Variants in DNAH9 observed in about 807,000 individuals in gnomAD.
DNAH9 encodes the protein DNAH9 variant protein.
A neutral mutation model predicts 471.6 loss-of-function variants in DNAH9; 345 were observed. That is an observed-to-expected ratio of 0.73 (90% CI 0.67 to 0.80). The LOEUF is 0.80. DNAH9 is among the 30% of genes least tolerant of loss of function. DNAH9 has a pLI of 0.00. For missense variants in DNAH9, 5,407 were observed against 5,609.2 expected, an observed-to-expected ratio of 0.96 and a Z score of 1.15; for synonymous variants, 2,093 against 2,123.6, an observed-to-expected ratio of 0.99 and a Z score of 0.40.
chr17:11,635,832 C>T (rs1321172559), intron 8 of DNAH9, among the ~76,000 whole-genome samples: 1 of 152,126 alleles, frequency 6.6e-6, no homozygotes, highest in African/African-American at 2.4e-5. Flanking sequence ...GAAAGGTCAG[C>T]ATCACTGCCA....
chr17:11,758,310 A>C (rs1291954825), intron 35 of DNAH9, among the ~76,000 whole-genome samples: 1 of 152,194 alleles, frequency 6.6e-6, no homozygotes, highest in Non-Finnish European at 1.5e-5. Context: ...TACAGCAAGA[A>C]TACTATCTGT....
intron 6 of DNAH9, among the ~76,000 whole-genome samples, chr17:11,621,473 A>T (rs2072861836): frequency 6.6e-6 from 1 of 151,464 alleles, no homozygotes; most frequent in African/African-American, 2.4e-5. Context: ...TCATATTCCC[A>T]GCTGTCATGA....
intron 41 of DNAH9, among the ~76,000 whole-genome samples, chr17:11,790,291 G>C (rs1969017949): frequency 1.3e-5 from 2 of 151,554 alleles, no homozygotes; most frequent in Admixed American, 1.3e-4. Context: ...TGTGATGGTG[G>C]GTACGTTTAT....
intron 14 of DNAH9, among the ~76,000 whole-genome samples, chr17:11,664,259 G>C (rs1028811734): frequency 2.0e-5 from 3 of 151,884 alleles, no homozygotes; most frequent in Non-Finnish European, 4.4e-5. Flanking sequence ...AGAGAAGGCG[G>C]GGAGGAAGGA....
rs1482622563 is a variant in DNAH9 at position 11,617,394 on chromosome 17, TC to T, written c.905-16del. 2 of 1,599,222 alleles carry T rather than the reference TC, an allele frequency of 1.3e-6. No homozygotes were observed. Among genetic ancestry groups the T allele is most frequent in the Non-Finnish European group, 8.6e-7 (1 of 1,167,360 alleles). On this transcript the variant is annotated splice_polypyrimidine_tract_variant and intron_variant, in intron 4 of 68. Coordinates refer to ENST00000262442, the MANE Select transcript of DNAH9 (RefSeq NM_001372.4). ...AGGCTCCAGATGGGAATGCTGACCA[TC>T]TCCAATTCCTTCCAGCTCTAGCAGA...
At position 11,796,322 on chromosome 17, in the gene DNAH9, G is replaced by A. The variant is rs781741538; in HGVS notation, c.8224-1275G>A. Among the ~76,000 whole-genome samples, 45 of 152,196 alleles carry A rather than the reference G, an allele frequency of 3.0e-4. 1 individual carries two copies. Among genetic ancestry groups the A allele is most frequent in the East Asian group, 2.1e-3 (11 of 5,190 alleles). On this transcript the variant is annotated intron_variant, in intron 42 of 68. Coordinates refer to ENST00000262442, the MANE Select transcript of DNAH9 (RefSeq NM_001372.4). ...AGCAAGAATAGTCCTCCTGCACTGC[G>A]CTTACATCTTATCCAAATGTCTGAG... is the stretch of plus-strand genomic sequence containing the variant.
At chr17:11,915,273 C>T (rs956621361) in intron 61 of DNAH9, among the ~76,000 whole-genome samples, 2 of 152,128 alleles carry the variant, frequency 1.3e-5, no homozygotes, top group African/African-American at 4.8e-5. Flanking sequence ...CGCCTGTAAT[C>T]CCAGCATTTT....
intron 8 of DNAH9, among the ~76,000 whole-genome samples, chr17:11,635,424 G>A (rs2073144622): frequency 6.8e-6 from 1 of 147,242 alleles, no homozygotes; most frequent in Non-Finnish European, 1.5e-5. Context: ...CAAGTGATGT[G>A]CCTGCCTCGT....
At position 11,626,707 on chromosome 17, in the gene DNAH9, T is replaced by C. The variant is rs2072976542; in HGVS notation, c.1351-2710T>C. ...GCCTTCACTGTAGCACCAGGGAAGG[T>C]TCCCCCTTGCACTTGACCAGGGTCC... On this transcript the variant is annotated intron_variant, in intron 6 of 68. Transcript: ENST00000262442. This position sits in a 1 kb window ranked among gnomAD's most constrained non-coding sequence, Gnocchi z 4.3. Among the ~76,000 whole-genome samples the C allele has an allele frequency of 6.6e-6, 1 of 152,176 alleles. No homozygotes were observed. Among genetic ancestry groups the C allele is most frequent in the Non-Finnish European group, 1.5e-5 (1 of 68,026 alleles).
chr17:11,701,638 G>A (rs1316779511), intron 24 of DNAH9, among the ~76,000 whole-genome samples: 1 of 152,112 alleles, frequency 6.6e-6, no homozygotes, highest in African/African-American at 2.4e-5. Flanking sequence ...CTGAACTGCT[G>A]ACACATATGA....
chr17:11,714,439 G>T (rs1309213181), intron 26 of DNAH9, among the ~76,000 whole-genome samples: 1 of 152,116 alleles, frequency 6.6e-6, no homozygotes, highest in Non-Finnish European at 1.5e-5. Context: ...AGCTGAGTAT[G>T]CCTCGGGGCC....
At chr17:11,920,507 G>A (rs183749907) in intron 61 of DNAH9, among the ~76,000 whole-genome samples, 91 of 151,628 alleles carry the variant, frequency 6.0e-4, no homozygotes, top group Non-Finnish European at 1.0e-3. Context: ...TGTAGTCTCA[G>A]CTACTCGGGA....
chr17:11,762,791 T>G (rs1293184706), intron 35 of DNAH9, among the ~76,000 whole-genome samples: 1 of 140,600 alleles, frequency 7.1e-6, no homozygotes, highest in Non-Finnish European at 1.5e-5. Flanking sequence ...TTTTTTTTTT[T>G]TTTTTTGAGA....
intron 38 of DNAH9, among the ~76,000 whole-genome samples, chr17:11,775,685 A>G (rs1968398089): frequency 1.4e-5 from 2 of 144,866 alleles, no homozygotes. Flanking sequence ...GCTCACTGCA[A>G]GCTCCGCCTC....
Position 11,781,149 on chromosome 17 carries a change from C to T in DNAH9, c.7693C>T (p.Arg2565Trp), listed in dbSNP as rs756091562. 28 of 1,614,126 alleles carry T rather than the reference C, an allele frequency of 1.7e-5. No homozygotes were observed. Among genetic ancestry groups the T allele is most frequent in the South Asian group, 3.3e-5 (3 of 91,070 alleles). The change falls in exon 39 of 69, where the codon CGG becomes TGG. Residue 2565 changes from arginine (R) to tryptophan (W), a missense_variant. Physicochemically the swap from Arg to Trp is moderately radical, Grantham distance 101. Coordinates refer to ENST00000262442, the MANE Select transcript of DNAH9 (RefSeq NM_001372.4). The part of the protein sequence containing the change: ...YGTVQPHTII[R>W]QHLDYGHWYD... ...GACGGTGCAGCCCCACACCATCATC[C>T]GGCAGCATCTGGACTATGGCCACTG...
chr17:11,875,556 A>G (rs754928990), intron 53 of DNAH9, among the ~76,000 whole-genome samples: 2 of 152,064 alleles, frequency 1.3e-5, no homozygotes, highest in Non-Finnish European at 1.5e-5. Flanking sequence ...TGCCTCCCTT[A>G]TCTCTCCTCT....
Position 11,619,764 on chromosome 17 carries a change from C to G in DNAH9, c.1333C>G (p.Gln445Glu), listed in dbSNP as rs772094989. 1 of 1,610,388 alleles carries G rather than the reference C, an allele frequency of 6.2e-7. No individual in the cohort carries two copies. Among genetic ancestry groups the G allele is most frequent in the Admixed American group, 1.7e-5 (1 of 60,000 alleles). The change falls in exon 6 of 69, where the codon CAA becomes GAA. Residue 445 changes from glutamine (Q) to glutamate (E), a missense_variant. This residue lies in a region of DNAH9 where 767 missense variants were observed against 692.5 expected (regional missense o/e 1.11). Coordinates refer to ENST00000262442, the MANE Select transcript of DNAH9 (RefSeq NM_001372.4). ...TGTGCGATTGGATGGCTTCCTGGGA[C>G]AACTGCACGTGGTGGAGGTGAGTGC... ...VFVRLDGFLGQLHVVEGLLKT... is the reference protein window; with the variant it reads ...VFVRLDGFLGELHVVEGLLKT...
intron 19 of DNAH9, among the ~76,000 whole-genome samples, chr17:11,687,390 AT>A (rs1441746565): frequency 3.3e-5 from 5 of 152,242 alleles, no homozygotes; most frequent in Non-Finnish European, 7.3e-5. Flanking sequence ...AGTGGTAAGC[AT>A]TCGGGTAAAT....
At position 11,629,585 on chromosome 17, in the gene DNAH9, G is replaced by A. The variant is rs1241982006; in HGVS notation, c.1518+1G>A. 3 of 1,612,542 alleles carry A rather than the reference G, an allele frequency of 1.9e-6. No homozygotes were observed. The highest frequency in any genetic ancestry group is 2.5e-6 in the Non-Finnish European group (3 of 1,179,448). ...CGACTGCCTGTACCTCCAAAGCACG[G>A]TAGGGTTGGGAAGGGCTGAATCGCC... On this transcript the variant is annotated splice_donor_variant, in intron 7 of 68. Coordinates refer to ENST00000262442, the MANE Select transcript of DNAH9 (RefSeq NM_001372.4). LOFTEE classifies it high-confidence loss of function.
Sources: gnomAD v4.1 joint callset for allele counts (sites outside exome capture counted in the v4.1 genomes callset) on GRCh38, gnomAD v4.1.1 for gene constraint, gnomAD v4.1.1 regional missense constraint, Gnocchi (gnomAD v3.1) non-coding constraint, MANE v1.5 for transcripts, NCBI Gene and HGNC (gene_info 2026-07-23, HGNC 2026-07-21) for gene names.